Variants in CLSTN1 observed in about 807,000 individuals in gnomAD.
CLSTN1 encodes calsyntenin-1.
In CLSTN1, 28 loss-of-function variants were observed where a neutral mutation model predicts 108.3. The observed-to-expected ratio is 0.26, with a 90% CI of 0.19 to 0.35. The LOEUF is 0.35. CLSTN1 is among the 10% of genes least tolerant of loss of function. CLSTN1 has a pLI of 1.00. For missense variants in CLSTN1, 1,157 were observed against 1,302.6 expected, an observed-to-expected ratio of 0.89 and a Z score of 1.72; for synonymous variants, 524 against 534.9, an observed-to-expected ratio of 0.98 and a Z score of 0.28.
intron 1 of CLSTN1, among the ~76,000 whole-genome samples, chr1:9,794,909 G>A (rs1653922570): frequency 1.3e-5 from 2 of 150,826 alleles, no homozygotes; most frequent in Admixed American, 6.8e-5. Context: ...AGTCCACACA[G>A]TATTCAAGGC....
chr1:9,794,179 C>T (rs1653888794), intron 1 of CLSTN1, among the ~76,000 whole-genome samples: 2 of 151,386 alleles, frequency 1.3e-5, no homozygotes, highest in South Asian at 2.2e-4. Context: ...AACACGTTTT[C>T]AGAACAGAGC....
intron 8 of CLSTN1, 108 bp downstream of exon 8, chr1:9,744,287 C>G: frequency 6.8e-7 from 1 of 1,463,062 alleles, no homozygotes; most frequent in South Asian, 1.3e-5. Flanking sequence ...ACATGGCCTA[C>G]GAGCACCAGG....
chr1:9,783,288 A>G (rs1653333451), intron 1 of CLSTN1, among the ~76,000 whole-genome samples: 1 of 152,138 alleles, frequency 6.6e-6, no homozygotes, highest in Admixed American at 6.5e-5. Context: ...CTAGAAATCC[A>G]CGGTTTCCAG....
At chr1:9,822,876 G>A (rs983749055) in intron 1 of CLSTN1, among the ~76,000 whole-genome samples, 2 of 152,070 alleles carry the variant, frequency 1.3e-5, no homozygotes, top group African/African-American at 4.8e-5. Flanking sequence ...AACCCTCCAC[G>A]GTCTAAATGA....
At chr1:9,810,712 T>C (rs1654721108) in intron 1 of CLSTN1, among the ~76,000 whole-genome samples, 1 of 151,878 alleles carries the variant, frequency 6.6e-6, no homozygotes, top group Non-Finnish European at 1.5e-5. Context: ...GAGGCGGAGG[T>C]TGCAGTGAGC....
At chr1:9,762,624 C>T (rs919845246) in intron 2 of CLSTN1, among the ~76,000 whole-genome samples, 13 of 151,496 alleles carry the variant, frequency 8.6e-5, no homozygotes, top group East Asian at 7.8e-4. Flanking sequence ...CCGCACTCAA[C>T]GGCTGGGTGT....
intron 9 of CLSTN1, among the ~76,000 whole-genome samples, chr1:9,743,209 C>T (rs1159263351): frequency 2.0e-5 from 3 of 152,198 alleles, no homozygotes; most frequent in African/African-American, 7.2e-5. Flanking sequence ...ACAGTGCTCT[C>T]TCGTTTCCTG....
At chr1:9,737,038 A>G (rs1308572020) in intron 11 of CLSTN1, among the ~76,000 whole-genome samples, 2 of 152,028 alleles carry the variant, frequency 1.3e-5, no homozygotes. Flanking sequence ...GCGCCACTGC[A>G]CTCCAGCCCA....
chr1:9,735,546 T>C lies in CLSTN1; in HGVS notation c.1804A>G (p.Met602Val). The C allele has an allele frequency of 6.2e-7, 1 of 1,614,190 alleles. No homozygotes were observed. Among genetic ancestry groups the C allele is most frequent in the South Asian group, 1.1e-5 (1 of 91,086 alleles). ...GEDLGELDKA[M>V]QHISYLNSRQ... ...GAGTTCAGGTACGAGATGTGCTGCA[T>C]GGCCTTATCCAATTCCCCGAGGTCT... The change falls in exon 13 of 19, where the codon ATG becomes GTG. Residue 602 changes from methionine to valine, a missense_variant. Coordinates refer to ENST00000377298, the MANE Select transcript of CLSTN1 (RefSeq NM_001009566.3).
chr1:9,746,441 C>T (rs1187633797), intron 7 of CLSTN1, among the ~76,000 whole-genome samples: 2 of 152,184 alleles, frequency 1.3e-5, no homozygotes, highest in Admixed American at 6.6e-5. Context: ...TGAAGCTAGA[C>T]GTGGTGGCTT....
At chr1:9,742,463 T>G (rs1010998774) in intron 9 of CLSTN1, among the ~76,000 whole-genome samples, 1 of 152,176 alleles carries the variant, frequency 6.6e-6, no homozygotes, top group Non-Finnish European at 1.5e-5. Flanking sequence ...TCTGTCTGCT[T>G]TTATATAAAT....
Position 9,744,592 on chromosome 1 carries a change from T to A in CLSTN1, c.1037A>T (p.Asn346Ile). ...ELLPSPSGSLNWTMGLPTDNG... is the reference protein window; with the variant it reads ...ELLPSPSGSLIWTMGLPTDNG... ...GTCGGTGGGCAGGCCCATGGTCCAG[T>A]TGAGGGATCCACTCGGGGATGGCAG... The change falls in exon 8 of 19, where the codon AAC becomes ATC. Residue 346 changes from asparagine (N) to isoleucine (I), a missense_variant. Asn to Ile is a moderately radical substitution (Grantham distance 149). Transcript: ENST00000377298. 6.2e-7 allele frequency: 1 copy of A among 1,613,318 alleles called. No individual in the cohort carries two copies. Among genetic ancestry groups the A allele is most frequent in the Non-Finnish European group, 8.5e-7 (1 of 1,179,932 alleles).
At chr1:9,774,090 T>A (rs1323026906) in intron 1 of CLSTN1, among the ~76,000 whole-genome samples, 1 of 152,072 alleles carries the variant, frequency 6.6e-6, no homozygotes, top group African/African-American at 2.4e-5. Flanking sequence ...AAGGCTGGAA[T>A]GTAGTGGTAG....
chr1:9,779,489 G>A (rs190746138), intron 1 of CLSTN1, among the ~76,000 whole-genome samples: 9 of 152,164 alleles, frequency 5.9e-5, no homozygotes, highest in Non-Finnish European at 1.0e-4. Context: ...CCCGGGAGGT[G>A]GAGGTTGCAG....
intron 1 of CLSTN1, among the ~76,000 whole-genome samples, chr1:9,815,459 AT>A (rs774530421): frequency 2.0e-5 from 3 of 152,188 alleles, no homozygotes; most frequent in Non-Finnish European, 4.4e-5. Flanking sequence ...AAAGGAAGGA[AT>A]TGGTTGGATG....
intron 2 of CLSTN1, among the ~76,000 whole-genome samples, chr1:9,760,684 GTTTT>G (rs762619559): frequency 2.9e-5 from 3 of 102,402 alleles, no homozygotes; most frequent in Admixed American, 1.0e-4. Context: ...CCATTCCCGG[GTTTT>G]TTTTTTTTTT....
rs998760168 is a variant in CLSTN1 at position 9,788,883 on chromosome 1, A to C, written c.92-15489T>G. On this transcript the variant is annotated intron_variant, in intron 1 of 18. Transcript: ENST00000377298. ...ACTCCGTCTCAAAAAAAAAAAAAAA[A>C]AAAAACAAAAGGAATTTGACTATTC... Among the ~76,000 whole-genome samples, 10 of 151,338 alleles carry C rather than the reference A, an allele frequency of 6.6e-5. 1 individual carries two copies. Among genetic ancestry groups the C allele is most frequent in the Admixed American group, 2.0e-4 (3 of 14,902 alleles).
At chr1:9,761,465 C>G (rs749746720) in intron 2 of CLSTN1, among the ~76,000 whole-genome samples, 1 of 152,108 alleles carries the variant, frequency 6.6e-6, no homozygotes, top group Non-Finnish European at 1.5e-5. Flanking sequence ...TGCACTCCAG[C>G]CTCTGTACTC....
chr1:9,755,384 T>TC (rs1651762605), intron 3 of CLSTN1, 75 bp from the exon 4 acceptor site: 4 of 1,226,582 alleles, frequency 3.3e-6, no homozygotes, highest in Non-Finnish European at 4.6e-6. Flanking sequence ...TCCCCCCATC[T>TC]CCACCCCCAA....
Sources: gnomAD v4.1 joint callset for allele counts (sites outside exome capture counted in the v4.1 genomes callset) on GRCh38, gnomAD v4.1.1 for gene constraint, MANE v1.5 for transcripts, NCBI Gene and HGNC (gene_info 2026-07-23, HGNC 2026-07-21) for gene names.